PVALB: variants seen among roughly 807,000 people sequenced by gnomAD.
PVALB encodes the protein parvalbumin alpha.
PVALB carries 11 observed loss-of-function variants against 10.9 expected under a neutral mutation model. The observed-to-expected ratio is 1.01, with a 90% confidence interval of 0.63 to 1.67. PVALB has a LOEUF of 1.67. Ranked by LOEUF, PVALB falls within the 40% of genes most tolerant of loss-of-function variation. The pLI, the probability that PVALB is intolerant of heterozygous loss-of-function variation, is 0.00. For synonymous variants in PVALB, 57 were observed against 50.7 expected (o/e 1.12, Z -0.53); for missense variants, 131 against 136.2 (o/e 0.96, Z 0.19).
intron 3 of PVALB, among the ~76,000 whole-genome samples, chr22:36,808,859 T>C (rs1939003701): frequency 6.6e-6 from 1 of 152,218 alleles, no homozygotes. Context: ...TTTTTCTAGC[T>C]TCTCTTTCCT....
At chr22:36,815,334 A>G in intron 1 of PVALB, 99 bp from the exon 2 acceptor site, 1 of 1,475,042 alleles carries the variant, frequency 6.8e-7, no homozygotes, top group Non-Finnish European at 9.4e-7. Context: ...GGATTCCCAC[A>G]TGCCAGTCAT....
chr22:36,800,708 G>A lies in PVALB; in HGVS notation c.*182C>T. 2 of 708,386 alleles carry A rather than the reference G, an allele frequency of 2.8e-6. No individual in the cohort carries two copies. Among genetic ancestry groups the A allele is most frequent in the Admixed American group, 2.3e-5 (1 of 43,218 alleles). The allele number at this position is 708,386 out of a possible 1,614,324, so 43.9% of individuals were successfully genotyped here. A position where few individuals can be genotyped will look rare whatever the true frequency, so the allele number is the denominator to read the frequency against. ...CTTCCTGAGCAAGCAGAGTCTGACT[G>A]GTACAACCTTTATTGCTTCTCCAGC... On this transcript the variant is annotated 3_prime_UTR_variant, in exon 4 of 4. Coordinates refer to ENST00000417718, the MANE Select transcript of PVALB (RefSeq NM_001315532.2).
Position 36,813,491 on chromosome 22 carries a change from C to T in PVALB, c.304+155G>A. The T allele has an allele frequency of 2.3e-5, 14 of 619,068 alleles. 1 individual carries two copies. The East Asian group carries it at 2.9e-4, about 13-fold the overall frequency. 38.3% of individuals were successfully genotyped at this position (619,068 alleles called of 1,614,324 possible). A position where few individuals can be genotyped will look rare whatever the true frequency, so the allele number is the denominator to read the frequency against. Reference sequence around the variant, plus strand: ...CCTTTGTCTGGAGTATGTGGCAGAGCTCTCAGACCTAATGGACTGCTTTTT... The same window carrying T: ...CCTTTGTCTGGAGTATGTGGCAGAGTTCTCAGACCTAATGGACTGCTTTTT... On this transcript the variant is annotated intron_variant, in intron 3 of 3. Coordinates refer to ENST00000417718, the MANE Select transcript of PVALB (RefSeq NM_001315532.2).
intron 3 of PVALB, among the ~76,000 whole-genome samples, chr22:36,801,412 G>A (rs1486845028): frequency 6.6e-6 from 1 of 152,224 alleles, no homozygotes; most frequent in Non-Finnish European, 1.5e-5. Context: ...CAAGGAGTTT[G>A]CTGCCACGTG....
At chr22:36,812,032 AC>A (rs1425862519) in intron 3 of PVALB, among the ~76,000 whole-genome samples, 3 of 151,760 alleles carry the variant, frequency 2.0e-5, no homozygotes, top group African/African-American at 7.3e-5. Context: ...AACAACAACA[AC>A]AAAAAAAACC....
chr22:36,809,002 G>A (rs987156030), intron 3 of PVALB, among the ~76,000 whole-genome samples: 9 of 152,092 alleles, frequency 5.9e-5, no homozygotes, highest in African/African-American at 2.2e-4. Flanking sequence ...GAATGCAAAG[G>A]GTTATTATTA....
intron 3 of PVALB, among the ~76,000 whole-genome samples, chr22:36,805,922 C>T (rs1040237443): frequency 3.3e-5 from 5 of 152,138 alleles, no homozygotes; most frequent in Non-Finnish European, 5.9e-5. Context: ...TACAAGTTTC[C>T]GACCCATCTA....
chr22:36,816,879 G>T, intron 1 of PVALB, 66 bp downstream of exon 1: 1 of 1,390,822 alleles, frequency 7.2e-7, no homozygotes, highest in Non-Finnish European at 9.8e-7. Context: ...TGCGGGGCCG[G>T]CGGAGTGCAG....
intron 1 of PVALB, among the ~76,000 whole-genome samples, chr22:36,815,807 G>A (rs13055625): frequency 2.6e-5 from 4 of 152,092 alleles, no homozygotes; most frequent in African/African-American, 4.8e-5. Context: ...AGTGGGAAGG[G>A]GGTGTTAGGA....
intron 2 of PVALB, 47 bp downstream of exon 2, chr22:36,815,056 C>T (rs1231264598): frequency 8.7e-6 from 14 of 1,610,344 alleles, no homozygotes; most frequent in African/African-American, 2.7e-5. Flanking sequence ...CCCCCACTCC[C>T]TCTCGTGCAG....
Position 36,816,863 on chromosome 22 carries a change from G to T in PVALB, c.61+82C>A, listed in dbSNP as rs952571112. 3.9e-6 allele frequency: 5 copies of T among 1,273,974 alleles called. No homozygotes were observed. The African/African-American group carries it at 6.3e-5, about 16-fold the overall frequency. The allele number at this position is 1,273,974 out of a possible 1,614,324, so 78.9% of individuals were successfully genotyped here. On this transcript the variant is annotated intron_variant, in intron 1 of 3. Coordinates refer to ENST00000417718, the MANE Select transcript of PVALB (RefSeq NM_001315532.2). The stretch of plus-strand genomic sequence containing the variant: ...GGCAGAAGCGCGCTGGGGAGGATCC[G>T]CCGGCTGCGGGGCCGGCGGAGTGCA...
chr22:36,814,623 C>CCCTG (rs1341560831), intron 2 of PVALB, among the ~76,000 whole-genome samples: 7 of 152,174 alleles, frequency 4.6e-5, no homozygotes, highest in Admixed American at 4.6e-4. Context: ...CTCCAAGGAC[C>CCCTG]CCTGGACTCT....
At chr22:36,806,787 G>C (rs736720) in intron 3 of PVALB, among the ~76,000 whole-genome samples, 3 of 151,834 alleles carry the variant, frequency 2.0e-5, no homozygotes, top group Non-Finnish European at 4.4e-5. Context: ...CATCCTCGTC[G>C]GCTCTCTTAT....
Position 36,815,197 on chromosome 22 carries a change from C to G in PVALB, c.100G>C (p.Val34Leu). 1.9e-6 allele frequency: 3 copies of G among 1,614,160 alleles called. No homozygotes were observed. Among genetic ancestry groups the G allele is most frequent in the Non-Finnish European group, 2.5e-6 (3 of 1,180,032 alleles). Residue 34 changes from valine (V) to leucine (L), a missense_variant, in exon 2 of 4, where the codon GTC (valine) becomes CTC (leucine). Coordinates refer to ENST00000417718, the MANE Select transcript of PVALB (RefSeq NM_001315532.2). ...TCCGCACTCTTTTTCTTCAGGCCGACCATTTGGAAGAACTTTTTGTGGTCG... is the reference window on the plus strand; with the variant it reads ...TCCGCACTCTTTTTCTTCAGGCCGAGCATTTGGAAGAACTTTTTGTGGTCG... The part of the protein sequence containing the change: ...SFDHKKFFQM[V>L]GLKKKSADDV...
At chr22:36,810,186 C>T (rs1278904492) in intron 3 of PVALB, among the ~76,000 whole-genome samples, 4 of 152,116 alleles carry the variant, frequency 2.6e-5, no homozygotes, top group Non-Finnish European at 5.9e-5. Flanking sequence ...CCCGGCATGC[C>T]CCATGGTTTT....
chr22:36,814,268 AGTGTGTGTGTGT>A (rs36215449), intron 2 of PVALB, among the ~76,000 whole-genome samples: 5,818 of 147,782 alleles, frequency 0.039, 342 homozygotes, highest in African/African-American at 0.13. Context: ...AGCCTCTGTG[AGTGTGTGTGTGT>A]GTGTGTGTGT....
intron 2 of PVALB, 95 bp from the exon 3 acceptor site, chr22:36,813,850 A>G: frequency 1.1e-6 from 1 of 951,662 alleles, no homozygotes; most frequent in Non-Finnish European, 1.7e-6. Flanking sequence ...TGTATGGGGA[A>G]AGGGATGGCT....
chr22:36,814,058 G>T (rs534403647), intron 2 of PVALB, among the ~76,000 whole-genome samples: 1 of 152,170 alleles, frequency 6.6e-6, no homozygotes, highest in African/African-American at 2.4e-5. Flanking sequence ...TGTGTCTGGC[G>T]TATGCTGGAA....
chr22:36,816,132 A>T (rs1178705885), intron 1 of PVALB, among the ~76,000 whole-genome samples: 1 of 152,014 alleles, frequency 6.6e-6, no homozygotes, highest in Non-Finnish European at 1.5e-5. Context: ...AGAGACAAGG[A>T]AAGTTGCCCT....
Sources: gnomAD v4.1 joint callset for allele counts (sites outside exome capture counted in the v4.1 genomes callset) on GRCh38, gnomAD v4.1.1 for gene constraint, MANE v1.5 for transcripts, NCBI Gene and HGNC (gene_info 2026-07-23, HGNC 2026-07-21) for gene names.